CPB1: variants seen among roughly 807,000 people sequenced by gnomAD.
CPB1 encodes carboxypeptidase B1.
In CPB1, 53 loss-of-function variants were observed where a neutral mutation model predicts 51.4. That is an observed-to-expected ratio of 1.03 (90% confidence interval 0.83 to 1.30). CPB1 has a LOEUF of 1.30. Ranked by LOEUF, CPB1 falls within the 50% of genes most tolerant of loss-of-function variation. The pLI, the probability that CPB1 is intolerant of heterozygous loss-of-function variation, is 0.00. For synonymous variants in CPB1, 189 were observed against 186.9 expected (o/e 1.01, Z -0.09); for missense variants, 494 against 516.2 (o/e 0.96, Z 0.42).
chr3:148,842,029 T>A, intron 6 of CPB1, 105 bp downstream of exon 6: 1 of 870,898 alleles, frequency 1.1e-6, no homozygotes, highest in Non-Finnish European at 1.8e-6. Flanking sequence ...AATACACAAT[T>A]ACAAGTGCCC....
At chr3:148,858,554 G>A (rs1265683992) in intron 10 of CPB1, among the ~76,000 whole-genome samples, 4 of 151,502 alleles carry the variant, frequency 2.6e-5, no homozygotes, top group Non-Finnish European at 4.4e-5. Context: ...CCTGGGCGAC[G>A]AGAGCAAAAC....
intron 2 of CPB1, among the ~76,000 whole-genome samples, chr3:148,832,728 T>C (rs1406263907): frequency 6.6e-6 from 1 of 152,202 alleles, no homozygotes; most frequent in Non-Finnish European, 1.5e-5. Flanking sequence ...AATAATTTCC[T>C]TGGTACCGCC....
chr3:148,847,028 AG>A (rs1434977852), intron 9 of CPB1, among the ~76,000 whole-genome samples: 1 of 149,910 alleles, frequency 6.7e-6, no homozygotes, highest in Non-Finnish European at 1.5e-5. Flanking sequence ...AATATATTTA[AG>A]TTGTGCCATA....
At position 148,834,488 on chromosome 3, in the gene CPB1, C is replaced by G; in HGVS notation, c.148-10C>G. 6.2e-7 allele frequency: 1 copy of G among 1,612,232 alleles called. No individual in the cohort carries two copies. Among genetic ancestry groups the G allele is most frequent in the Non-Finnish European group, 8.5e-7 (1 of 1,178,490 alleles). ...TTATAGGTATCCAATATATCTTGTC[C>G]TTTATTCAGATTGACTTCTGGAAGC... On this transcript the variant is annotated splice_polypyrimidine_tract_variant and intron_variant, in intron 2 of 10. Transcript: ENST00000282957.
At chr3:148,857,698 A>AAG (rs1713622696) in intron 10 of CPB1, 157 bp downstream of exon 10, 1 of 528,204 alleles carries the variant, frequency 1.9e-6, no homozygotes, top group African/African-American at 1.9e-5. Context: ...TCAAAAAAAA[A>AAG]AAAAGGAGGG....
chr3:148,838,609 T>G (rs1712982022), intron 3 of CPB1, among the ~76,000 whole-genome samples: 2 of 152,222 alleles, frequency 1.3e-5, no homozygotes, highest in South Asian at 4.1e-4. Context: ...TCCTCCACGT[T>G]TTCCTGAGTT....
intron 6 of CPB1, among the ~76,000 whole-genome samples, chr3:148,842,448 A>ATCAT (rs1352914958): frequency 6.6e-6 from 1 of 152,178 alleles, no homozygotes; most frequent in Non-Finnish European, 1.5e-5. Context: ...TTCATTCCTT[A>ATCAT]TCATTCTAAT....
chr3:148,834,940 G>T (rs1182771515), intron 3 of CPB1, among the ~76,000 whole-genome samples: 2 of 152,214 alleles, frequency 1.3e-5, no homozygotes. Context: ...TTCTCAGCTA[G>T]ACATAGTTTT....
chr3:148,836,996 T>C (rs1213995958), intron 3 of CPB1, among the ~76,000 whole-genome samples: 3 of 152,186 alleles, frequency 2.0e-5, no homozygotes, highest in Non-Finnish European at 4.4e-5. Context: ...AATCAGATCC[T>C]GAATTATCAT....
chr3:148,854,229 T>A (rs1248290970), intron 9 of CPB1: 2 of 152,224 alleles, frequency 1.3e-5, no homozygotes, highest in Non-Finnish European at 2.9e-5. Flanking sequence ...CCAGGTGGAA[T>A]TCCATTCTGC....
chr3:148,828,185 A>C (rs1257082204), intron 2 of CPB1, 108 bp downstream of exon 2: 1 of 913,728 alleles, frequency 1.1e-6, no homozygotes, highest in East Asian at 2.6e-5. Context: ...GCATTTTGGT[A>C]GCAAGAAATA....
intron 2 of CPB1, among the ~76,000 whole-genome samples, chr3:148,832,879 T>A (rs1576566479): frequency 6.6e-6 from 1 of 152,174 alleles, no homozygotes; most frequent in South Asian, 2.1e-4. Flanking sequence ...GGACACTGTC[T>A]GGTCAGCTAC....
intron 3 of CPB1, 133 bp from the exon 4 acceptor site, chr3:148,840,553 C>T: frequency 1.4e-6 from 1 of 730,928 alleles, no homozygotes; most frequent in Non-Finnish European, 2.4e-6. Context: ...CAGGAAGAAC[C>T]AGAGGACAAC....
intron 5 of CPB1, 124 bp from the exon 6 acceptor site, chr3:148,841,699 G>C (rs1239587940): frequency 3.1e-6 from 2 of 639,286 alleles, no homozygotes; most frequent in African/African-American, 3.6e-5. Context: ...TTTAATCATG[G>C]GATCCAGCTC....
intron 3 of CPB1, among the ~76,000 whole-genome samples, chr3:148,839,114 T>G (rs1712998391): frequency 6.6e-6 from 1 of 152,214 alleles, no homozygotes; most frequent in East Asian, 1.9e-4. Flanking sequence ...ATATGTCCAC[T>G]GTAATCATGA....
intron 10 of CPB1, among the ~76,000 whole-genome samples, chr3:148,858,463 T>C (rs1391980121): frequency 6.6e-6 from 1 of 151,826 alleles, no homozygotes; most frequent in African/African-American, 2.4e-5. Flanking sequence ...TCCCAGCTGC[T>C]CGGGAGGCTG....
chr3:148,842,566 CCTT>C (rs771689129), intron 6 of CPB1, among the ~76,000 whole-genome samples: 3 of 152,154 alleles, frequency 2.0e-5, no homozygotes, highest in African/African-American at 4.8e-5. Context: ...AAGAACAACT[CCTT>C]CTTGCAGAAG....
At chr3:148,843,960 T>C (rs1446109771) in intron 6 of CPB1, among the ~76,000 whole-genome samples, 1 of 152,178 alleles carries the variant, frequency 6.6e-6, no homozygotes, top group Non-Finnish European at 1.5e-5. Flanking sequence ...TGAGAGGCAT[T>C]CTCATTACCT....
At chr3:148,859,772 C>A (rs1225983014) in intron 10 of CPB1, 43 bp from the exon 11 acceptor site, 1 of 1,535,892 alleles carries the variant, frequency 6.5e-7, no homozygotes, top group Admixed American at 1.9e-5. Flanking sequence ...AAAGCTCCTT[C>A]CTAGATTTAA....
Sources: gnomAD v4.1 joint callset for allele counts (sites outside exome capture counted in the v4.1 genomes callset) on GRCh38, gnomAD v4.1.1 for gene constraint, MANE v1.5 for transcripts, NCBI Gene and HGNC (gene_info 2026-07-23, HGNC 2026-07-21) for gene names.